The following HNRNPK variants were observed in gnomAD, a reference collection of about 807,000 sequenced individuals.
HNRNPK encodes the protein dC-stretch binding protein.
A neutral mutation model predicts 67.0 loss-of-function variants in HNRNPK; 7 were observed. The ratio of observed to expected loss-of-function variants is 0.10; its 90% CI spans 0.06 to 0.20. HNRNPK has a LOEUF of 0.20. Among genes scored for constraint, HNRNPK ranks in the 10% least tolerant of loss-of-function variants. The pLI is 1.00. For missense variants in HNRNPK, 264 were observed against 606.5 expected, an observed-to-expected ratio of 0.44 and a Z score of 5.93; for synonymous variants, 213 against 193.7, an observed-to-expected ratio of 1.10 and a Z score of -0.83.
chr9:83,975,857 C>G (rs1957043097), intron 5 of HNRNPK: 3 of 254,656 alleles, frequency 1.2e-5, no homozygotes, highest in Non-Finnish European at 2.3e-5. Context: ...CTGACTGTGG[C>G]TTAACATTAA....
Position 83,970,749 on chromosome 9 carries a change from A to C in HNRNPK, c.1179T>G (p.Thr393=). ...TAAAGATACTTACATCTTTGGGAAT[A>C]GTTACTTGTGTAGTAATAATAGGTC... is the stretch of plus-strand genomic sequence containing the variant. ...LGGPIITTQV[T]IPKDLAGSII... is the part of the protein sequence containing the mutation. The change falls in exon 15 of 17, where the codon ACT becomes ACG. Residue 393 remains threonine (T), a synonymous_variant. Transcript: ENST00000376263. 1.3e-6 allele frequency: 2 copies of C among 1,576,272 alleles called. No homozygotes were observed. The highest frequency in any genetic ancestry group is 1.7e-6 in the Non-Finnish European group (2 of 1,146,020).
upstream of HNRNPK, chr9:83,980,583 G>C (rs296888): frequency 6.5e-6 from 1 of 152,758 alleles, no homozygotes; most frequent in Non-Finnish European, 1.5e-5. Context: ...GGCGTCTGCA[G>C]TGCTGTCGCC....
At chr9:83,979,370 G>T (rs1957244506) in intron 1 of HNRNPK, among the ~76,000 whole-genome samples, 1 of 152,340 alleles carries the variant, frequency 6.6e-6, no homozygotes, top group South Asian at 2.1e-4. Flanking sequence ...AGTTGGATAA[G>T]AAAGTTTAAG....
At chr9:83,972,731 C>G (rs1395726730) in intron 10 of HNRNPK, 113 bp downstream of exon 10, 2 of 713,506 alleles carry the variant, frequency 2.8e-6, no homozygotes, top group Admixed American at 5.8e-5. Flanking sequence ...TAGAAAATTG[C>G]TAGGGAAAGG....
chr9:83,972,096 G>C lies in HNRNPK; in HGVS notation c.739C>G (p.Arg247Gly). The C allele has an allele frequency of 6.2e-7, 1 of 1,613,874 alleles. No individual in the cohort carries two copies. Residue 247 changes from arginine to glycine, a missense_variant, in exon 11 of 17, where the codon CGC (arginine) becomes GGC (glycine). This residue lies in a region of HNRNPK where 142 missense variants were observed against 256.5 expected (regional missense o/e 0.55). Transcript: ENST00000376263. Reference sequence around the variant, plus strand: ...ATGGGAAATCCCACTGGGCGTCCGCGACGGTCATCAAACATCATTGTAAAA... The same window carrying C: ...ATGGGAAATCCCACTGGGCGTCCGCCACGGTCATCAAACATCATTGTAAAA... Reference protein sequence around the residue: ...GGFTMMFDDRRGRPVGFPMRG... With the variant: ...GGFTMMFDDRGGRPVGFPMRG...
chr9:83,977,226 T>G (rs1166806207), intron 4 of HNRNPK, among the ~76,000 whole-genome samples, 175 bp from the exon 5 acceptor site: 1 of 152,190 alleles, frequency 6.6e-6, no homozygotes. Context: ...AATATAATTC[T>G]AAGTGCTGTG....
chr9:83,972,721 T>C lies in HNRNPK; in HGVS notation c.645+123A>G, dbSNP rs906140694. 8 of 648,396 alleles carry C rather than the reference T, an allele frequency of 1.2e-5. No homozygotes were observed. In the African/African-American group the frequency reaches 1.3e-4, roughly 11 times the overall value. The allele number at this position is 648,396 out of a possible 1,614,324, so 40.2% of individuals were successfully genotyped here. On this transcript the variant is annotated intron_variant, in intron 10 of 16. Coordinates refer to ENST00000376263, the MANE Select transcript of HNRNPK (RefSeq NM_031263.4). ...TAAAGTGATGGCTGAAGCCAGGTGA[T>C]AGAAAATTGCTAGGGAAAGGGCAAA...
Position 83,970,921 on chromosome 9 carries a change from A to C in HNRNPK, c.1093-9T>G. 2 of 1,612,046 alleles carry C rather than the reference A, an allele frequency of 1.2e-6. No homozygotes were observed. The highest frequency in any genetic ancestry group is 2.2e-5 in the South Asian group (2 of 90,938). Reference sequence around the variant, plus strand: ...CCATATCCGGAGCCACCCTAAAAACAGAAAGAAAAAAATAGAAAATTACTT... The same window carrying C: ...CCATATCCGGAGCCACCCTAAAAACCGAAAGAAAAAAATAGAAAATTACTT... On this transcript the variant is annotated splice_polypyrimidine_tract_variant and intron_variant, in intron 13 of 16. Coordinates refer to ENST00000376263, the MANE Select transcript of HNRNPK (RefSeq NM_031263.4).
At chr9:83,970,359 T>A in intron 15 of HNRNPK, 28 bp from the exon 16 acceptor site, 1 of 1,569,438 alleles carries the variant, frequency 6.4e-7, no homozygotes, top group Non-Finnish European at 8.7e-7. Context: ...AAGTATGTGT[T>A]TACGATATAC....
intron 5 of HNRNPK, 71 bp from the exon 6 acceptor site, chr9:83,975,576 G>A: frequency 7.6e-7 from 1 of 1,319,434 alleles, no homozygotes; most frequent in East Asian, 2.3e-5. Context: ...TGTCAAGTAT[G>A]GTACCCGTTT....
intron 5 of HNRNPK, 197 bp downstream of exon 5, chr9:83,976,798 C>T: frequency 2.4e-6 from 1 of 417,532 alleles, no homozygotes; most frequent in Non-Finnish European, 4.3e-6. Flanking sequence ...TGAAAGAAAC[C>T]ACCCCCCCAC....
intron 3 of HNRNPK, 97 bp from the exon 4 acceptor site, chr9:83,977,883 T>C: frequency 1.3e-6 from 1 of 773,732 alleles, no homozygotes; most frequent in South Asian, 1.6e-5. Context: ...TAGGCATGTT[T>C]TGAAAAGACC....
rs1425307648 is a variant in HNRNPK at position 83,968,114 on chromosome 9, G to A, written c.*1293C>T. ...AGATTACTATATTTCCTTTTAAGAG[G>A]AACGTTTCAACAAATTTTACAGGTG... On this transcript the variant is annotated 3_prime_UTR_variant, in exon 17 of 17. Coordinates refer to ENST00000376263, the MANE Select transcript of HNRNPK (RefSeq NM_031263.4). 1.3e-5 allele frequency: 2 copies of A among 152,484 alleles called. No individual in the cohort carries two copies. The highest frequency in any genetic ancestry group is 2.9e-5 in the Non-Finnish European group (2 of 68,030). 9.4% of individuals were successfully genotyped at this position (152,484 alleles called of 1,614,324 possible). A position where few individuals can be genotyped will look rare whatever the true frequency, so the allele number is the denominator to read the frequency against.
In HNRNPK at chr9:83,978,470, A is replaced by G. The variant is rs1161885859; in HGVS notation, c.-107-18T>C. ...GCAGTAGCCTATAAGAACCAACACA[A>G]ATCAGTTTTGCTTTTGTTTATTCTT... On this transcript the variant is annotated intron_variant, in intron 1 of 16. Coordinates refer to ENST00000376263, the MANE Select transcript of HNRNPK (RefSeq NM_031263.4). 9.1e-6 allele frequency: 8 copies of G among 875,622 alleles called. No homozygotes were observed. The highest frequency in any genetic ancestry group is 1.2e-5 in the Non-Finnish European group (8 of 650,460). The allele number at this position is 875,622 out of a possible 1,614,324, so 54.2% of individuals were successfully genotyped here. A position where few individuals can be genotyped will look rare whatever the true frequency, so the allele number is the denominator to read the frequency against.
At chr9:83,972,703 A>C (rs576203319) in intron 10 of HNRNPK, 141 bp downstream of exon 10, 2 of 573,418 alleles carry the variant, frequency 3.5e-6, no homozygotes, top group Non-Finnish European at 6.1e-6. Flanking sequence ...AATTAAAGTG[A>C]TGGCTGAAGC....
Position 83,973,368 on chromosome 9 carries a change from C to T in HNRNPK, c.434G>A (p.Cys145Tyr). Residue 145 changes from cysteine to tyrosine, a missense_variant, in exon 9 of 17, where the codon TGC becomes TAC. Cys to Tyr is a radical substitution (Grantham distance 194). Transcript: ENST00000376263. ...YQHYKGSDFD[C>Y]ELRLLIHQSL... ...CTGATGAATCAACAGCCTCAACTCG[C>T]AGTCAAAGTCACTTCCTTTATAGTG... 1 of 1,608,976 alleles carries T rather than the reference C, an allele frequency of 6.2e-7. No individual in the cohort carries two copies.
At position 83,978,093 on chromosome 9, in the gene HNRNPK, A is replaced by C. The variant is rs944099754; in HGVS notation, c.58+102T>G. The stretch of plus-strand genomic sequence containing the variant: ...TAATCGCAGAATTACATAAACAGTA[A>C]TACCAAAAATTCACCACACACTCCT... On this transcript the variant is annotated intron_variant, in intron 3 of 16. Coordinates refer to ENST00000376263, the MANE Select transcript of HNRNPK (RefSeq NM_031263.4). 3.9e-6 allele frequency: 3 copies of C among 760,100 alleles called. No individual in the cohort carries two copies. The African/African-American group carries it at 5.3e-5, about 13-fold the overall frequency. The allele number at this position is 760,100 out of a possible 1,614,324, so 47.1% of individuals were successfully genotyped here.
chr9:83,971,391 T>A, intron 12 of HNRNPK, 35 bp from the exon 13 acceptor site: 3 of 1,400,366 alleles, frequency 2.1e-6, no homozygotes. Context: ...TGAACCCGCA[T>A]TGTATTTTGT....
intron 12 of HNRNPK, 54 bp downstream of exon 12, chr9:83,971,618 C>T (rs1956846499): frequency 3.6e-6 from 5 of 1,403,014 alleles, no homozygotes; most frequent in Non-Finnish European, 4.0e-6. Flanking sequence ...ACGTGAACTA[C>T]ATTGTGACAA....
Sources: gnomAD v4.1 joint callset for allele counts (sites outside exome capture counted in the v4.1 genomes callset) on GRCh38, gnomAD v4.1.1 for gene constraint, gnomAD v4.1.1 regional missense constraint, MANE v1.5 for transcripts, NCBI Gene and HGNC (gene_info 2026-07-23, HGNC 2026-07-21) for gene names.